Variants in KCNIP4 observed in about 807,000 individuals in gnomAD.
KCNIP4 encodes the protein potassium voltage-gated channel interacting protein 4, also known as Kv channel-interacting protein 4.
A neutral mutation model predicts 34.0 loss-of-function variants in KCNIP4; 12 were observed. The ratio of observed to expected loss-of-function variants is 0.35; its 90% CI spans 0.23 to 0.57. The LOEUF (loss-of-function observed/expected upper bound fraction) is 0.57, where lower values mean the gene tolerates loss of function less well. Among genes scored for constraint, KCNIP4 ranks in the 20% least tolerant of loss-of-function variants. The probability of loss-of-function intolerance (pLI) is 0.83; values close to 1 mark genes in which losing one functional copy is unlikely to be tolerated. For synonymous variants in KCNIP4, 124 were observed against 102.2 expected, an observed-to-expected ratio of 1.21 and a Z score of -1.29; for missense variants, 238 against 311.7, an observed-to-expected ratio of 0.76 and a Z score of 1.78.
intron 2 of KCNIP4, among the ~76,000 whole-genome samples, chr4:20,866,681 T>C (rs558957214): frequency 6.6e-6 from 1 of 152,120 alleles, no homozygotes; most frequent in African/African-American, 2.4e-5. Flanking sequence ...GAGAAAGAAA[T>C]AAAAGGCATT....
chr4:21,427,233 T>G (rs1726012535), intron 1 of KCNIP4, among the ~76,000 whole-genome samples: 1 of 152,116 alleles, frequency 6.6e-6, no homozygotes, highest in Non-Finnish European at 1.5e-5. Context: ...ATAGTCAGAC[T>G]TAGCGTTTAT....
At chr4:20,893,588 AT>A (rs35952261) in intron 1 of KCNIP4, among the ~76,000 whole-genome samples, 3,737 of 136,652 alleles carry the variant, frequency 0.027, 59 homozygotes, top group Admixed American at 0.066. Flanking sequence ...ATGCCCCAGT[AT>A]TTTTTTTTTT....
chr4:21,277,144 T>C (rs1290126700), intron 1 of KCNIP4, among the ~76,000 whole-genome samples: 5 of 152,174 alleles, frequency 3.3e-5, no homozygotes, highest in Admixed American at 1.3e-4. Flanking sequence ...TAATAGGAAA[T>C]CAGCTGTGGC....
At chr4:20,915,191 CA>C (rs1728692951) in intron 1 of KCNIP4, among the ~76,000 whole-genome samples, 1 of 152,164 alleles carries the variant, frequency 6.6e-6, no homozygotes, top group Non-Finnish European at 1.5e-5. Flanking sequence ...TTACGTACTC[CA>C]GGAAATAAAA....
chr4:21,078,712 A>G (rs949723989), intron 1 of KCNIP4, among the ~76,000 whole-genome samples: 7 of 152,132 alleles, frequency 4.6e-5, no homozygotes, highest in Non-Finnish European at 8.8e-5. Flanking sequence ...ATGAGTTTAC[A>G]TTAAATCAAG....
At chr4:21,832,577 T>A (rs1471573126) in intron 1 of KCNIP4, among the ~76,000 whole-genome samples, 2 of 34,816 alleles carry the variant, frequency 5.7e-5, no homozygotes, top group African/African-American at 1.3e-4. Flanking sequence ...TTGTTTTTAT[T>A]TTTTTTATTT....
At chr4:21,129,846 G>A (rs1490445673) in intron 1 of KCNIP4, among the ~76,000 whole-genome samples, 1 of 151,522 alleles carries the variant, frequency 6.6e-6, no homozygotes, top group African/African-American at 2.4e-5. Context: ...GGATAAATGT[G>A]TCATAAGTTG....
intron 1 of KCNIP4, among the ~76,000 whole-genome samples, chr4:21,134,070 T>C (rs78638026): frequency 0.017 from 2,630 of 152,268 alleles, 84 homozygotes; most frequent in African/African-American, 0.059. Context: ...TAACTTGAGT[T>C]CTCAAAATGA....
chr4:20,821,741 G>T (rs1165351868), intron 3 of KCNIP4, among the ~76,000 whole-genome samples: 1 of 151,614 alleles, frequency 6.6e-6, no homozygotes, highest in Non-Finnish European at 1.5e-5. Flanking sequence ...TATTTGGTTT[G>T]CCATTTCTGA....
At chr4:21,362,679 C>T (rs896110222) in intron 1 of KCNIP4, among the ~76,000 whole-genome samples, 2 of 152,142 alleles carry the variant, frequency 1.3e-5, no homozygotes, top group African/African-American at 2.4e-5. Context: ...AACTCATTGT[C>T]TCAGGAGTAC....
chr4:20,826,961 ACTT>A (rs1276476493), intron 3 of KCNIP4, among the ~76,000 whole-genome samples: 1 of 152,184 alleles, frequency 6.6e-6, no homozygotes, highest in East Asian at 1.9e-4. Context: ...ACCACCATCA[ACTT>A]CTTCTTCCCC....
chr4:21,221,960 A>G (rs989233799), intron 1 of KCNIP4, among the ~76,000 whole-genome samples: 2 of 152,184 alleles, frequency 1.3e-5, no homozygotes, highest in African/African-American at 4.8e-5. Context: ...TGCCCATGGT[A>G]ACATTCAGTG....
chr4:21,795,385 T>C (rs1444372856), intron 1 of KCNIP4, among the ~76,000 whole-genome samples: 4 of 152,172 alleles, frequency 2.6e-5, no homozygotes, highest in Non-Finnish European at 5.9e-5. Flanking sequence ...CAGTCTGTGG[T>C]ATTTTGTTAT....
chr4:21,255,078 C>T (rs1006043620), intron 1 of KCNIP4, among the ~76,000 whole-genome samples: 9 of 152,096 alleles, frequency 5.9e-5, no homozygotes, highest in South Asian at 2.1e-4. Context: ...CTTGAATGAG[C>T]TCCTCTACCC....
chr4:20,831,166 A>G (rs377201984), intron 3 of KCNIP4, among the ~76,000 whole-genome samples: 2 of 151,954 alleles, frequency 1.3e-5, no homozygotes, highest in South Asian at 2.1e-4. Flanking sequence ...GGAAGGGCTC[A>G]GCAATTGAGC....
chr4:20,989,923 C>T (rs1228330523), intron 1 of KCNIP4, among the ~76,000 whole-genome samples: 1 of 152,140 alleles, frequency 6.6e-6, no homozygotes, highest in Non-Finnish European at 1.5e-5. Context: ...TGCCACTGCA[C>T]TCCAGCCTGG....
intron 3 of KCNIP4, among the ~76,000 whole-genome samples, chr4:20,835,189 A>T (rs761883133): frequency 6.6e-6 from 1 of 152,168 alleles, no homozygotes; most frequent in Non-Finnish European, 1.5e-5. Flanking sequence ...GTGATACCAC[A>T]TCCTCCTGGT....
intron 1 of KCNIP4, among the ~76,000 whole-genome samples, chr4:21,317,152 G>C (rs1354610769): frequency 6.6e-6 from 1 of 152,074 alleles, no homozygotes; most frequent in African/African-American, 2.4e-5. Flanking sequence ...GGAAAACTTG[G>C]CAACTGGTAT....
intron 1 of KCNIP4, among the ~76,000 whole-genome samples, chr4:21,761,876 AAC>A (rs1718083198): frequency 6.6e-6 from 1 of 152,142 alleles, no homozygotes; most frequent in African/African-American, 2.4e-5. Flanking sequence ...TTATACACAC[AAC>A]TCAACACTTC....
Sources: gnomAD v4.1 joint callset for allele counts (sites outside exome capture counted in the v4.1 genomes callset) on GRCh38, gnomAD v4.1.1 for gene constraint, MANE v1.5 for transcripts, NCBI Gene and HGNC (gene_info 2026-07-23, HGNC 2026-07-21) for gene names.